The following CNTLN variants were observed in gnomAD, a reference collection of about 807,000 sequenced individuals.
CNTLN encodes centlein, also known as centlein, centrosomal protein.
A neutral mutation model predicts 180.0 loss-of-function variants in CNTLN; 212 were observed. The ratio of observed to expected loss-of-function variants is 1.18; its 90% CI spans 1.05 to 1.32. CNTLN has a LOEUF of 1.32. CNTLN is among the 40% of genes most tolerant of loss of function. The probability of loss-of-function intolerance (pLI) is 0.00; values close to 1 mark genes in which losing one functional copy is unlikely to be tolerated. For missense variants in CNTLN, 2,095 were observed against 1,610.9 expected, an observed-to-expected ratio of 1.30 and a Z score of -5.14; for synonymous variants, 722 against 563.1, an observed-to-expected ratio of 1.28 and a Z score of -3.99.
At chr9:17,275,372 T>C (rs1828245674) in intron 6 of CNTLN, among the ~76,000 whole-genome samples, 1 of 152,276 alleles carries the variant, frequency 6.6e-6, no homozygotes. Flanking sequence ...TTCTGTAACA[T>C]AGCTCAGTGG....
intron 6 of CNTLN, among the ~76,000 whole-genome samples, chr9:17,295,160 T>C (rs1264261703): frequency 6.6e-6 from 1 of 151,812 alleles, no homozygotes; most frequent in Non-Finnish European, 1.5e-5. Flanking sequence ...CCCGGAACTC[T>C]AGCTGGCCCG....
chr9:17,487,946 C>T (rs879397276), intron 25 of CNTLN, among the ~76,000 whole-genome samples: 2 of 151,914 alleles, frequency 1.3e-5, no homozygotes, highest in Admixed American at 6.6e-5. Context: ...GTTCTTTCGG[C>T]TTAACCTAAT....
intron 24 of CNTLN, among the ~76,000 whole-genome samples, chr9:17,485,476 A>C (rs1361696034): frequency 1.3e-5 from 2 of 152,164 alleles, no homozygotes; most frequent in Admixed American, 6.5e-5. Context: ...ACTTTCTATC[A>C]AATTCTAAAC....
chr9:17,157,446 G>A (rs1175399152), intron 2 of CNTLN, among the ~76,000 whole-genome samples: 1 of 152,190 alleles, frequency 6.6e-6, no homozygotes, highest in African/African-American at 2.4e-5. Context: ...GGTGGGGTAA[G>A]AGGAAGAAAG....
In CNTLN at chr9:17,310,090, T is replaced by C. The variant is rs1447729701; in HGVS notation, c.1341+838T>C. Among the ~76,000 whole-genome samples the C allele has an allele frequency of 2.0e-5, 3 of 152,128 alleles. No homozygotes were observed. The South Asian group carries it at 6.2e-4, about 31-fold the overall frequency. On this transcript the variant is annotated intron_variant, in intron 8 of 25. Coordinates refer to ENST00000380647, the MANE Select transcript of CNTLN (RefSeq NM_017738.4). ...GTTATGACATACTATTGTATGCATA[T>C]GACAATTTAATTTAATGGCTTTGTT...
intron 2 of CNTLN, among the ~76,000 whole-genome samples, chr9:17,221,987 C>T (rs965621671): frequency 2.0e-5 from 3 of 151,940 alleles, no homozygotes; most frequent in East Asian, 1.9e-4. Flanking sequence ...ACTATATGTA[C>T]GCTTCAAGCC....
intron 2 of CNTLN, among the ~76,000 whole-genome samples, chr9:17,195,224 A>G (rs1267098634): frequency 6.6e-6 from 1 of 152,216 alleles, no homozygotes; most frequent in African/African-American, 2.4e-5. Flanking sequence ...TGATGAGCTC[A>G]AGGAATTGGA....
At chr9:17,464,913 A>G (rs556823100) in intron 21 of CNTLN, among the ~76,000 whole-genome samples, 46 of 151,290 alleles carry the variant, frequency 3.0e-4, no homozygotes, top group East Asian at 2.9e-3. Context: ...TTTATTCAGT[A>G]TTTTATTTAA....
Position 17,502,713 on chromosome 9 carries a change from C to G in CNTLN, c.*61C>G. 2 of 580,400 alleles carry G rather than the reference C, an allele frequency of 3.4e-6. 1 individual carries two copies. Among genetic ancestry groups the G allele is most frequent in the South Asian group, 5.2e-5 (2 of 38,490 alleles). 36.0% of individuals were successfully genotyped at this position (580,400 alleles called of 1,614,324 possible). A position where few individuals can be genotyped will look rare whatever the true frequency, so the allele number is the denominator to read the frequency against. ...CTTTTTATGTGGTGTGATTGGAATA[C>G]ATGCATTGCAATCCTGACACGGTAT... is the stretch of plus-strand genomic sequence containing the variant. On this transcript the variant is annotated 3_prime_UTR_variant, in exon 26 of 26. Coordinates refer to ENST00000380647, the MANE Select transcript of CNTLN (RefSeq NM_017738.4).
intron 6 of CNTLN, among the ~76,000 whole-genome samples, chr9:17,281,618 G>A (rs765773116): frequency 5.9e-5 from 9 of 151,994 alleles, no homozygotes; most frequent in Non-Finnish European, 1.0e-4. Flanking sequence ...ACATCATCTC[G>A]TTCCTTTTTA....
chr9:17,297,591 T>C (rs1431662855), intron 6 of CNTLN, among the ~76,000 whole-genome samples: 1 of 152,186 alleles, frequency 6.6e-6, no homozygotes, highest in African/African-American at 2.4e-5. Context: ...AGTTTCATCC[T>C]GGGTAGGTTC....
At chr9:17,465,851 G>C in intron 21 of CNTLN, 130 bp from the exon 22 acceptor site, 1 of 680,114 alleles carries the variant, frequency 1.5e-6, no homozygotes. Flanking sequence ...TATAATACTT[G>C]AATTTGATAG....
chr9:17,423,049 C>G (rs185622056), intron 18 of CNTLN, among the ~76,000 whole-genome samples: 1 of 152,298 alleles, frequency 6.6e-6, no homozygotes, highest in East Asian at 1.9e-4. Context: ...TCATTCTCTT[C>G]CCTCACTTTG....
chr9:17,340,195 C>T (rs1253200725), intron 10 of CNTLN, among the ~76,000 whole-genome samples: 2 of 152,062 alleles, frequency 1.3e-5, no homozygotes, highest in Admixed American at 6.6e-5. Context: ...AATTGTCTAA[C>T]CTAGGTATTG....
At chr9:17,498,993 A>G (rs572995563) in intron 25 of CNTLN, among the ~76,000 whole-genome samples, 5 of 152,346 alleles carry the variant, frequency 3.3e-5, no homozygotes, top group African/African-American at 9.6e-5. Context: ...ATAATTAACT[A>G]TAAACTCCTT....
intron 25 of CNTLN, among the ~76,000 whole-genome samples, chr9:17,502,092 G>A (rs1833780476): frequency 6.6e-6 from 1 of 152,116 alleles, no homozygotes; most frequent in African/African-American, 2.4e-5. Context: ...TTCCTCTGAA[G>A]TTTTCACTCT....
chr9:17,267,238 T>C (rs574091165), intron 5 of CNTLN, among the ~76,000 whole-genome samples: 1,569 of 152,266 alleles, frequency 0.01, 28 homozygotes, highest in African/African-American at 0.035. Flanking sequence ...GGCCTGGTGG[T>C]GACAAAATCT....
the CNTLN span, among the ~76,000 whole-genome samples, chr9:17,513,021 G>A: frequency 4.6e-5 from 7 of 152,128 alleles, no homozygotes; most frequent in East Asian, 1.9e-4. Flanking sequence ...GGGTTTCACC[G>A]TGTTAGCCAG....
chr9:17,361,433 G>A (rs1428202508), intron 12 of CNTLN, among the ~76,000 whole-genome samples: 1 of 152,124 alleles, frequency 6.6e-6, no homozygotes, highest in Non-Finnish European at 1.5e-5. Context: ...CAACTCAAAT[G>A]TATCCCAATC....
Sources: allele counts gnomAD v4.1 joint callset (sites outside exome capture counted in the v4.1 genomes callset), GRCh38; gene constraint gnomAD v4.1.1; transcripts MANE v1.5; gene names NCBI Gene and HGNC (gene_info 2026-07-23, HGNC 2026-07-21).